The following PDZRN4 variants were observed in gnomAD, a reference collection of about 807,000 sequenced individuals.
The protein encoded by PDZRN4 is PDZ domain containing ring finger 4, also known as PDZ domain-containing RING finger protein 4.
In PDZRN4, 70 loss-of-function variants were observed where a neutral mutation model predicts 99.0. The ratio of observed to expected loss-of-function variants is 0.71; its 90% CI spans 0.58 to 0.86. The LOEUF (loss-of-function observed/expected upper bound fraction) is 0.86, where lower values mean the gene tolerates loss of function less well. Among genes scored for constraint, PDZRN4 ranks in the 40% least tolerant of loss-of-function variants. PDZRN4 has a pLI of 0.00. For missense variants in PDZRN4, 1,474 were observed against 1,331.2 expected (o/e 1.11, Z -1.67); for synonymous variants, 551 against 501.6 (o/e 1.10, Z -1.32).
intron 3 of PDZRN4, 113 bp downstream of exon 3, chr12:41,194,301 A>G: frequency 1.5e-6 from 1 of 658,434 alleles, no homozygotes; most frequent in Non-Finnish European, 2.7e-6. Context: ...ATACATTCTT[A>G]GTAGCAGTAA....
chr12:41,237,960 T>C (rs1206612429), intron 3 of PDZRN4, among the ~76,000 whole-genome samples: 4 of 152,202 alleles, frequency 2.6e-5, no homozygotes, highest in Non-Finnish European at 5.9e-5. Context: ...GGCTCTTTTT[T>C]CTTTCCATAT....
intron 3 of PDZRN4, among the ~76,000 whole-genome samples, chr12:41,407,210 T>A (rs957343807): frequency 6.6e-6 from 1 of 152,198 alleles, no homozygotes; most frequent in African/African-American, 2.4e-5. Flanking sequence ...TGACCTATAA[T>A]ATCTCACCGT....
intron 3 of PDZRN4, among the ~76,000 whole-genome samples, chr12:41,200,534 G>A (rs1466926793): frequency 6.6e-6 from 1 of 152,132 alleles, no homozygotes; most frequent in African/African-American, 2.4e-5. Context: ...AAGGGAAACA[G>A]GGCCACCTCT....
At chr12:41,486,932 G>A (rs899938618) in intron 3 of PDZRN4, among the ~76,000 whole-genome samples, 3 of 152,014 alleles carry the variant, frequency 2.0e-5, no homozygotes, top group African/African-American at 4.8e-5. Flanking sequence ...TCCAGCTAGC[G>A]GCAGGAGCAT....
chr12:41,216,915 A>G (rs1046589206), intron 3 of PDZRN4, among the ~76,000 whole-genome samples: 1 of 152,084 alleles, frequency 6.6e-6, no homozygotes, highest in Non-Finnish European at 1.5e-5. Context: ...TAATGTTCAT[A>G]ATAAATGCCT....
intron 3 of PDZRN4, among the ~76,000 whole-genome samples, chr12:41,287,445 A>G (rs991770277): frequency 6.6e-6 from 1 of 152,250 alleles, no homozygotes; most frequent in African/African-American, 2.4e-5. Context: ...CGTTACATTT[A>G]AACTATTCCT....
At chr12:41,314,721 G>T (rs757055213) in intron 3 of PDZRN4, among the ~76,000 whole-genome samples, 6 of 151,968 alleles carry the variant, frequency 3.9e-5, no homozygotes. Flanking sequence ...TCTTGTTTTG[G>T]TTATTTTTTT....
chr12:41,210,005 C>A (rs566367221), intron 3 of PDZRN4, among the ~76,000 whole-genome samples: 1 of 151,686 alleles, frequency 6.6e-6, no homozygotes, highest in Non-Finnish European at 1.5e-5. Context: ...CTCTCCAGCA[C>A]CTGTTGTTTC....
intron 3 of PDZRN4, among the ~76,000 whole-genome samples, chr12:41,418,268 C>T (rs1952460315): frequency 1.3e-5 from 2 of 152,134 alleles, no homozygotes; most frequent in Non-Finnish European, 2.9e-5. Flanking sequence ...TGTTTTCATT[C>T]TACGGAACAT....
intron 3 of PDZRN4, among the ~76,000 whole-genome samples, chr12:41,312,045 T>TA (rs1363675761): frequency 6.6e-6 from 1 of 152,172 alleles, no homozygotes; most frequent in Non-Finnish European, 1.5e-5. Context: ...ATCCTGCTGC[T>TA]AAAATCATGT....
chr12:41,348,941 C>A (rs10785243), intron 3 of PDZRN4, among the ~76,000 whole-genome samples: 54,598 of 151,642 alleles, frequency 0.36, 9,915 homozygotes, highest in Non-Finnish European at 0.39. Flanking sequence ...CATCTATGTA[C>A]GTATATGAAT....
chr12:41,420,849 A>G (rs1276757394), intron 3 of PDZRN4, among the ~76,000 whole-genome samples: 3 of 152,138 alleles, frequency 2.0e-5, no homozygotes, highest in South Asian at 4.1e-4. Flanking sequence ...TGACATCTCT[A>G]TTCAAAATTT....
At chr12:41,300,068 G>C (rs1302606788) in intron 3 of PDZRN4, among the ~76,000 whole-genome samples, 1 of 151,692 alleles carries the variant, frequency 6.6e-6, no homozygotes, top group Non-Finnish European at 1.5e-5. Flanking sequence ...GTATTTATTT[G>C]TGTCATATTT....
intron 3 of PDZRN4, among the ~76,000 whole-genome samples, chr12:41,336,837 T>A (rs1253826083): frequency 6.6e-6 from 1 of 152,062 alleles, no homozygotes; most frequent in South Asian, 2.1e-4. Flanking sequence ...GCAGAACTGG[T>A]TGAGCCAGAT....
Position 41,433,738 on chromosome 12 carries a change from G to T in PDZRN4, c.844-72718G>T, listed in dbSNP as rs149823330. On this transcript the variant is annotated intron_variant, in intron 3 of 9. Transcript: ENST00000402685. ...CTGTCACAGGCTCAATGGGATTGGTGATTCAGAATAGGCTCACTTGGATTT... is the reference window on the plus strand; with the variant it reads ...CTGTCACAGGCTCAATGGGATTGGTTATTCAGAATAGGCTCACTTGGATTT... 2.6e-5 allele frequency among the ~76,000 whole-genome samples: 4 copies of T among 152,306 alleles called. No individual in the cohort carries two copies. The East Asian group carries it at 7.7e-4, about 29-fold the overall frequency.
intron 3 of PDZRN4, among the ~76,000 whole-genome samples, chr12:41,228,489 AGACT>A (rs949406630): frequency 1.3e-3 from 193 of 152,240 alleles, no homozygotes; most frequent in African/African-American, 4.5e-3. Flanking sequence ...TCAAAAAAAA[AGACT>A]GACTCTTGGA....
intron 3 of PDZRN4, among the ~76,000 whole-genome samples, chr12:41,461,720 A>G (rs1258056540): frequency 6.6e-6 from 1 of 152,148 alleles, no homozygotes; most frequent in Non-Finnish European, 1.5e-5. Flanking sequence ...CCCAATTGAA[A>G]TGGTATCTAC....
intron 3 of PDZRN4, among the ~76,000 whole-genome samples, chr12:41,440,334 A>T (rs1409512247): frequency 1.3e-5 from 2 of 152,146 alleles, no homozygotes; most frequent in Non-Finnish European, 2.9e-5. Context: ...GCGATCACGA[A>T]ACATATGATC....
At chr12:41,420,538 A>T (rs77683631) in intron 3 of PDZRN4, among the ~76,000 whole-genome samples, 2 of 151,992 alleles carry the variant, frequency 1.3e-5, no homozygotes, top group Non-Finnish European at 2.9e-5. Flanking sequence ...AACATGACTG[A>T]TACGTTCCAA....
Sources: gnomAD v4.1 joint callset for allele counts (sites outside exome capture counted in the v4.1 genomes callset) on GRCh38, gnomAD v4.1.1 for gene constraint, MANE v1.5 for transcripts, NCBI Gene and HGNC (gene_info 2026-07-23, HGNC 2026-07-21) for gene names.